Variants in SPATS2 observed in about 807,000 individuals in gnomAD.
SPATS2 encodes the protein spermatogenesis associated serine rich 2, also known as spermatogenesis-associated serine-rich protein 2.
A neutral mutation model predicts 63.7 loss-of-function variants in SPATS2; 38 were observed. The observed-to-expected ratio is 0.60, with a 90% CI of 0.46 to 0.78. The LOEUF is 0.78. Among genes scored for constraint, SPATS2 ranks in the 30% least tolerant of loss-of-function variants. The pLI, the probability that SPATS2 is intolerant of heterozygous loss-of-function variation, is 0.00. For missense variants in SPATS2, 588 were observed against 666.2 expected (o/e 0.88, Z 1.29); for synonymous variants, 207 against 232.9 (o/e 0.89, Z 1.01).
intron 2 of SPATS2, among the ~76,000 whole-genome samples, chr12:49,433,133 G>C (rs1006067187): frequency 5.3e-5 from 8 of 152,096 alleles, no homozygotes; most frequent in Non-Finnish European, 7.4e-5. Context: ...AGCCATCCTA[G>C]TGGGTTCAAG....
At chr12:49,429,325 A>G (rs2137467183) in intron 2 of SPATS2, among the ~76,000 whole-genome samples, 1 of 152,318 alleles carries the variant, frequency 6.6e-6, no homozygotes, top group African/African-American at 2.4e-5. Context: ...ATTTATGGTG[A>G]TCAAGTCTTA....
At chr12:49,380,714 A>C (rs188127980) in intron 2 of SPATS2, among the ~76,000 whole-genome samples, 1 of 151,122 alleles carries the variant, frequency 6.6e-6, no homozygotes, top group Non-Finnish European at 1.5e-5. Flanking sequence ...TCAAAAAAAA[A>C]ATATATATAT....
At chr12:49,502,717 A>G (rs897148627) in intron 9 of SPATS2, among the ~76,000 whole-genome samples, 17 of 152,158 alleles carry the variant, frequency 1.1e-4, no homozygotes, top group African/African-American at 3.6e-4. Flanking sequence ...TAGGCCTCCC[A>G]AAGTGCTGGG....
chr12:49,367,229 G>C (rs1176543436), upstream of SPATS2: 1 of 242,196 alleles, frequency 4.1e-6, no homozygotes, highest in Non-Finnish European at 7.9e-6. Flanking sequence ...CCTCGAGCTT[G>C]GCGCGCCGGA....
intron 3 of SPATS2, among the ~76,000 whole-genome samples, chr12:49,479,848 C>T (rs1029687970): frequency 1.3e-5 from 2 of 152,170 alleles, no homozygotes; most frequent in African/African-American, 2.4e-5. Flanking sequence ...ATAATGGCAA[C>T]TTGAGAACTA....
At chr12:49,485,794 C>G (rs1946282062) in intron 4 of SPATS2, among the ~76,000 whole-genome samples, 1 of 138,226 alleles carries the variant, frequency 7.2e-6, no homozygotes, top group Non-Finnish European at 1.5e-5. Context: ...GAGTCTTACT[C>G]TGTCACCCAG....
In SPATS2 at chr12:49,522,676, A is replaced by T. The variant is rs12309053; in HGVS notation, c.1009-75A>T. On this transcript the variant is annotated intron_variant, in intron 11 of 13. Coordinates refer to ENST00000552918, the MANE Select transcript of SPATS2 (RefSeq NM_023071.4). ...AAAAGACAATTGAAAATGATTGTTTAATCTGTATAGCAAGTTATAGATTCC... is the reference window on the plus strand; with the variant it reads ...AAAAGACAATTGAAAATGATTGTTTTATCTGTATAGCAAGTTATAGATTCC... 153,446 of 1,186,552 alleles carry T rather than the reference A, an allele frequency of 0.13. 16,983 individuals carry two copies. The highest frequency in any genetic ancestry group is 0.55 in the African/African-American group (36,156 of 65,514). The allele number at this position is 1,186,552 out of a possible 1,614,324, so 73.5% of individuals were successfully genotyped here.
intron 6 of SPATS2, among the ~76,000 whole-genome samples, chr12:49,491,420 G>A (rs1946380562): frequency 6.6e-6 from 1 of 152,014 alleles, no homozygotes. Context: ...TTGACATAAA[G>A]CTGTTAGGTG....
intron 3 of SPATS2, among the ~76,000 whole-genome samples, chr12:49,466,885 A>G (rs1308660930): frequency 1.3e-5 from 2 of 152,180 alleles, no homozygotes; most frequent in Non-Finnish European, 2.9e-5. Context: ...CAGTTCATGT[A>G]GAATTATCAT....
intron 2 of SPATS2, among the ~76,000 whole-genome samples, chr12:49,405,527 C>T (rs745864172): frequency 2.6e-5 from 4 of 152,028 alleles, no homozygotes; most frequent in Non-Finnish European, 4.4e-5. Context: ...GGCAAAACCC[C>T]GTCTTTACTA....
At chr12:49,518,928 C>T in intron 10 of SPATS2, 145 bp from the exon 11 acceptor site, 2 of 522,906 alleles carry the variant, frequency 3.8e-6, no homozygotes, top group Non-Finnish European at 6.5e-6. Flanking sequence ...AAGGTAGAGA[C>T]CAGACTTTTG....
At chr12:49,483,506 C>G (rs1251633579) in intron 3 of SPATS2, among the ~76,000 whole-genome samples, 1 of 152,060 alleles carries the variant, frequency 6.6e-6, no homozygotes, top group Non-Finnish European at 1.5e-5. Context: ...ATAAGTGTTA[C>G]CCGATTTTTC....
chr12:49,418,496 C>G (rs1005477522), intron 2 of SPATS2, among the ~76,000 whole-genome samples: 1 of 152,034 alleles, frequency 6.6e-6, no homozygotes, highest in Admixed American at 6.6e-5. Flanking sequence ...GACGGGGTTT[C>G]GCCATGTTGG....
intron 9 of SPATS2, 32 bp downstream of exon 9, chr12:49,500,237 TA>T: frequency 6.3e-7 from 1 of 1,580,542 alleles, no homozygotes; most frequent in South Asian, 1.2e-5. Context: ...ATCAGTAGCA[TA>T]AAAATGATCA....
intron 2 of SPATS2, among the ~76,000 whole-genome samples, chr12:49,386,048 T>C (rs1021119156): frequency 1.3e-5 from 2 of 151,574 alleles, no homozygotes; most frequent in South Asian, 2.1e-4. Flanking sequence ...ATTTTTTTTT[T>C]AGTAGAGTCG....
intron 2 of SPATS2, among the ~76,000 whole-genome samples, chr12:49,448,419 G>A (rs183590161): frequency 1.5e-3 from 230 of 151,972 alleles, no homozygotes; most frequent in African/African-American, 5.4e-3. Context: ...GATTACAGGC[G>A]TGAGCCACCA....
At chr12:49,436,663 T>A (rs1290653743) in intron 2 of SPATS2, among the ~76,000 whole-genome samples, 460 of 48,006 alleles carry the variant, frequency 9.6e-3, no homozygotes, top group Middle Eastern at 0.037. Context: ...GGGGCTCCTC[T>A]CTTCCCAGTA....
At chr12:49,381,668 A>G (rs1056056644) in intron 2 of SPATS2, among the ~76,000 whole-genome samples, 2 of 152,208 alleles carry the variant, frequency 1.3e-5, no homozygotes, top group African/African-American at 4.8e-5. Flanking sequence ...AAATGCCACA[A>G]TGAGAATTTT....
intron 9 of SPATS2, 107 bp from the exon 10 acceptor site, chr12:49,514,448 T>C: frequency 1.1e-6 from 1 of 951,808 alleles, no homozygotes; most frequent in Non-Finnish European, 1.6e-6. Context: ...TTTTTTAGTA[T>C]GCTTTTAGCA....
Sources: allele counts gnomAD v4.1 joint callset (sites outside exome capture counted in the v4.1 genomes callset), GRCh38; gene constraint gnomAD v4.1.1; transcripts MANE v1.5; gene names NCBI Gene and HGNC (gene_info 2026-07-23, HGNC 2026-07-21).